Variants in DUOX1 observed in about 807,000 individuals in gnomAD.
DUOX1 encodes the protein NADPH thyroid oxidase 1.
Under a neutral mutation model 181.8 loss-of-function variants are expected in DUOX1, and 134 were observed. That is an observed-to-expected ratio of 0.74 (90% CI 0.64 to 0.85). The LOEUF (loss-of-function observed/expected upper bound fraction) is 0.85. Among genes scored for constraint, DUOX1 ranks in the 40% least tolerant of loss-of-function variants. The pLI is 0.00. For synonymous variants in DUOX1, 798 were observed against 832.5 expected (o/e 0.96, Z 0.71); for missense variants, 1,814 against 2,064.4 (o/e 0.88, Z 2.35).
chr15:45,140,066 C>A, intron 12 of DUOX1: 2 of 1,374,088 alleles, frequency 1.5e-6, no homozygotes, highest in South Asian at 2.3e-5. Flanking sequence ...CTGGTGTTCT[C>A]AAACCAGTAG....
chr15:45,148,337 T>C lies in DUOX1; in HGVS notation c.2708T>C (p.Met903Thr). The C allele has an allele frequency of 6.2e-7, 1 of 1,614,208 alleles. No homozygotes were observed. Among genetic ancestry groups the C allele is most frequent in the Non-Finnish European group, 8.5e-7 (1 of 1,180,034 alleles). ...CAGCTGGCTGAGGTGGTGGAGTCCATGTTCCGGGAGTCGGGATTCCAGGAC... is the reference window on the plus strand; with the variant it reads ...CAGCTGGCTGAGGTGGTGGAGTCCACGTTCCGGGAGTCGGGATTCCAGGAC... ...KAQLAEVVES[M>T]FRESGFQDKE... The change falls in exon 21 of 34, where the codon ATG becomes ACG. Residue 903 changes from methionine to threonine, a missense_variant. This residue lies in a region of DUOX1 where 1,064 missense variants were observed against 1,152.9 expected (regional missense o/e 0.92). Coordinates refer to ENST00000389037, the MANE Select transcript of DUOX1 (RefSeq NM_175940.3).
intron 4 of DUOX1, 25 bp from the exon 5 acceptor site, chr15:45,135,079 G>C: frequency 6.2e-7 from 1 of 1,607,412 alleles, no homozygotes; most frequent in East Asian, 2.3e-5. Flanking sequence ...GCTTGCCCTA[G>C]CACCCCCTCC....
In DUOX1 at chr15:45,147,658, G is replaced by A; in HGVS notation, c.2548G>A (p.Gly850Ser). ...FLDILVVFMK[G>S]SPEEKSRLMF... is the part of the protein sequence containing the mutation. ...GGACATCCTGGTGGTCTTCATGAAA[G>A]GTGAGGGAGGAGGGAATGATAGGAG... Residue 850 changes from glycine (G) to serine (S), a missense_variant and splice_region_variant, in exon 19 of 34, where the codon GGC becomes AGC. By Grantham distance (56) the Gly-to-Ser change is moderately conservative. Coordinates refer to ENST00000389037, the MANE Select transcript of DUOX1 (RefSeq NM_175940.3). 1 of 1,614,140 alleles carries A rather than the reference G, an allele frequency of 6.2e-7. No individual in the cohort carries two copies. Among genetic ancestry groups the A allele is most frequent in the Non-Finnish European group, 8.5e-7 (1 of 1,180,008 alleles).
At chr15:45,151,538 G>A (rs1437011672) in intron 23 of DUOX1, among the ~76,000 whole-genome samples, 2 of 152,160 alleles carry the variant, frequency 1.3e-5, no homozygotes, top group African/African-American at 4.8e-5. Context: ...TGTCCTTTGA[G>A]TCTCTAGTAA....
Position 45,133,883 on chromosome 15 carries a change from G to A in DUOX1, c.78G>A (p.Ser26=), listed in dbSNP as rs745833579. Residue 26 remains serine, a synonymous_variant, in exon 3 of 34, where the codon TCG becomes TCA. Transcript: ENST00000389037. The part of the protein sequence containing the change: ...WTPLGAQNPI[S]WEVQRFDGWY... Reference sequence around the variant, plus strand: ...ACACAGGAGCTCAGAACCCCATTTCGTGGGAGGTGCAGCGATTTGATGGGT... The same window carrying A: ...ACACAGGAGCTCAGAACCCCATTTCATGGGAGGTGCAGCGATTTGATGGGT... The A allele has an allele frequency of 1.5e-5, 25 of 1,613,718 alleles. No homozygotes were observed. The highest frequency in any genetic ancestry group is 5.5e-5 in the South Asian group (5 of 91,060).
intron 10 of DUOX1, chr15:45,138,738 A>C: frequency 3.9e-6 from 1 of 253,342 alleles, no homozygotes; most frequent in East Asian, 8.5e-5. Flanking sequence ...GACTTGCCCA[A>C]GGTCATACAG....
chr15:45,145,684 G>T (rs182689122), intron 18 of DUOX1, among the ~76,000 whole-genome samples: 259 of 152,278 alleles, frequency 1.7e-3, no homozygotes, highest in Non-Finnish European at 2.8e-3. Context: ...GGGAGGCGGG[G>T]CAGGTGGATC....
chr15:45,141,843 C>T, intron 14 of DUOX1, 132 bp from the exon 15 acceptor site: 3 of 986,456 alleles, frequency 3.0e-6, no homozygotes, highest in South Asian at 1.7e-5. Flanking sequence ...CCACTTGTTA[C>T]CCAAGGCAGC....
intron 26 of DUOX1, 27 bp downstream of exon 26, chr15:45,153,506 G>A (rs1555422960): frequency 2.1e-6 from 1 of 473,678 alleles, no homozygotes; most frequent in East Asian, 5.0e-5. Context: ...GTGTGTGTGT[G>A]TGTGTGTGTG....
rs770655336 is a variant in DUOX1, at chr15:45,142,064, G to A, written c.1774G>A (p.Gly592Arg). The A allele has an allele frequency of 6.2e-6, 10 of 1,614,112 alleles. No individual in the cohort carries two copies. Among genetic ancestry groups the A allele is most frequent in the Non-Finnish European group, 7.6e-6 (9 of 1,180,018 alleles). Residue 592 changes from glycine (G) to arginine (R), a missense_variant, in exon 15 of 34, where the codon GGA becomes AGA. Coordinates refer to ENST00000389037, the MANE Select transcript of DUOX1 (RefSeq NM_175940.3). The part of the protein sequence containing the change: ...SVVRDYFEGS[G>R]FGFGVTIGTL... ...TGTTCGTGACTATTTTGAGGGCAGT[G>A]GATTTGGCTTCGGGGTCACCATCGG...
At chr15:45,141,462 T>C in intron 14 of DUOX1, 52 bp downstream of exon 14, 1 of 1,566,946 alleles carries the variant, frequency 6.4e-7, no homozygotes, top group African/African-American at 1.4e-5. Context: ...GCCTCGTCCC[T>C]CTTCAGCTCT....
chr15:45,154,625 T>C (rs1258082688), intron 27 of DUOX1, among the ~76,000 whole-genome samples: 5 of 148,672 alleles, frequency 3.4e-5, no homozygotes, highest in Non-Finnish European at 3.0e-5. Flanking sequence ...CCTAAAATGA[T>C]CTGCTTTGAA....
At chr15:45,142,922 C>T (rs975832645) in intron 15 of DUOX1, among the ~76,000 whole-genome samples, 2 of 151,908 alleles carry the variant, frequency 1.3e-5, no homozygotes, top group Non-Finnish European at 2.9e-5. Context: ...GTCTCTGACA[C>T]AAGGACTCTG....
chr15:45,158,381 G>T (rs1897014108), intron 28 of DUOX1, among the ~76,000 whole-genome samples: 1 of 151,766 alleles, frequency 6.6e-6, no homozygotes, highest in African/African-American at 2.4e-5. Flanking sequence ...TGGGGGAAGG[G>T]AACGCCTGAA....
Position 45,133,748 on chromosome 15 carries a change from G to A in DUOX1, c.59-116G>A, listed in dbSNP as rs1896211677. The stretch of plus-strand genomic sequence containing the variant: ...CACCCTACCTCTCACATCCACTTCA[G>A]GTATCCACTTTCTGCTGCTCCAAGT... On this transcript the variant is annotated intron_variant, in intron 2 of 33. Coordinates refer to ENST00000389037, the MANE Select transcript of DUOX1 (RefSeq NM_175940.3). The A allele has an allele frequency of 5.9e-6, 5 of 844,992 alleles. No homozygotes were observed. In the East Asian group the frequency reaches 1.2e-4, roughly 21 times the overall value. 52.3% of individuals were successfully genotyped at this position (844,992 alleles called of 1,614,324 possible).
Position 45,148,300 on chromosome 15 carries a change from C to T in DUOX1, c.2671C>T (p.Leu891=). The T allele has an allele frequency of 6.2e-7, 1 of 1,614,254 alleles. No homozygotes were observed. Among genetic ancestry groups the T allele is most frequent in the Non-Finnish European group, 8.5e-7 (1 of 1,180,044 alleles). Residue 891 remains leucine, a synonymous_variant, in exon 21 of 34, where the codon CTG becomes TTG. Coordinates refer to ENST00000389037, the MANE Select transcript of DUOX1 (RefSeq NM_175940.3). Reference sequence around the variant, plus strand: ...CTTCATCGAGATCTCCAACAACTGCCTGTCCAAGGCCCAGCTGGCTGAGGT... The same window carrying T: ...CTTCATCGAGATCTCCAACAACTGCTTGTCCAAGGCCCAGCTGGCTGAGGT... ...RSFIEISNNC[L]SKAQLAEVVE...
At chr15:45,140,618 T>G (rs1896465137) in intron 12 of DUOX1, 1 of 340,610 alleles carries the variant, frequency 2.9e-6, no homozygotes, top group African/African-American at 2.1e-5. Flanking sequence ...TCAACTTTCA[T>G]ACCTTTTCAA....
intron 16 of DUOX1, among the ~76,000 whole-genome samples, chr15:45,143,675 C>T (rs1896567226): frequency 1.3e-5 from 2 of 152,086 alleles, no homozygotes; most frequent in South Asian, 4.1e-4. Flanking sequence ...TCCACCACCA[C>T]TATGGGCTAT....
chr15:45,138,940 G>A (rs950007744), intron 10 of DUOX1, 126 bp from the exon 11 acceptor site: 10 of 835,548 alleles, frequency 1.2e-5, no homozygotes, highest in South Asian at 5.4e-5. Flanking sequence ...ATGTCCCACC[G>A]GTTTGGGAGC....
Sources: allele counts gnomAD v4.1 joint callset (sites outside exome capture counted in the v4.1 genomes callset), GRCh38; gene constraint gnomAD v4.1.1; regional missense constraint gnomAD v4.1.1; transcripts MANE v1.5; gene names NCBI Gene and HGNC (gene_info 2026-07-23, HGNC 2026-07-21).